Variants in ASF1A observed in about 807,000 individuals in gnomAD.
ASF1A encodes the protein anti-silencing function 1A histone chaperone, also known as histone chaperone ASF1A.
Under a neutral mutation model 22.0 loss-of-function variants are expected in ASF1A, and 5 were observed. That is an observed-to-expected ratio of 0.23 (90% CI 0.12 to 0.48). The LOEUF is 0.48. Among genes scored for constraint, ASF1A ranks in the 20% least tolerant of loss-of-function variants. The pLI, the probability that ASF1A is intolerant of heterozygous loss-of-function variation, is 0.99. For synonymous variants in ASF1A, 97 were observed against 86.7 expected, an observed-to-expected ratio of 1.12 and a Z score of -0.66; for missense variants, 137 against 240.6, an observed-to-expected ratio of 0.57 and a Z score of 2.85.
rs925727394 is a variant in ASF1A, at chr6:118,907,553, G to C, written c.554G>C (p.Gly185Ala). Residue 185 changes from glycine to alanine, a missense_variant, in exon 4 of 4, where the codon GGA becomes GCA. Physicochemically the swap from Gly to Ala is moderately conservative, Grantham distance 60 (BLOSUM62 0). Coordinates refer to ENST00000229595, the MANE Select transcript of ASF1A (RefSeq NM_014034.3). ...STDALPSASKGWSTSENSLNV... is the reference protein window; with the variant it reads ...STDALPSASKAWSTSENSLNV... ...GATGCATTACCTTCAGCATCAAAGG[G>C]ATGGTCCACATCAGAAAACTCACTA... 3 of 1,613,550 alleles carry C rather than the reference G, an allele frequency of 1.9e-6. No homozygotes were observed. Among genetic ancestry groups the C allele is most frequent in the Non-Finnish European group, 2.5e-6 (3 of 1,179,702 alleles).
At position 118,908,731 on chromosome 6, in the gene ASF1A, G is replaced by A. The variant is rs773740955; in HGVS notation, c.*1117G>A. ...GTAAAAGGTTTCTTTTTCTTTGAGA[G>A]TTAAGTCCTTCCTCAAAAAATTTTC... On this transcript the variant is annotated 3_prime_UTR_variant, in exon 4 of 4. Transcript: ENST00000229595. 2.0e-5 allele frequency: 3 copies of A among 152,468 alleles called. No homozygotes were observed. Among genetic ancestry groups the A allele is most frequent in the Non-Finnish European group, 4.4e-5 (3 of 67,984 alleles). 9.4% of individuals were successfully genotyped at this position (152,468 alleles called of 1,614,324 possible). A position where few individuals can be genotyped will look rare whatever the true frequency, so the allele number is the denominator to read the frequency against.
intron 2 of ASF1A, among the ~76,000 whole-genome samples, chr6:118,905,144 A>G (rs1780087827): frequency 1.3e-5 from 2 of 152,162 alleles, no homozygotes; most frequent in African/African-American, 4.8e-5. Flanking sequence ...CCTCATTTTC[A>G]GTTTTATACT....
In ASF1A at chr6:118,894,385, G is replaced by A. The variant is rs1302956686; in HGVS notation, c.-29G>A. 6.5e-7 allele frequency: 1 copy of A among 1,536,980 alleles called. No individual in the cohort carries two copies. Among genetic ancestry groups the A allele is most frequent in the Non-Finnish European group, 8.7e-7 (1 of 1,146,734 alleles). On this transcript the variant is annotated 5_prime_UTR_variant, in exon 1 of 4. Coordinates refer to ENST00000229595, the MANE Select transcript of ASF1A (RefSeq NM_014034.3). ...CTTTATTGTGCCGCAACCAGCCCCAGTTCCCATTGTTTGTGTTTTTTTCAA... is the reference window on the plus strand; with the variant it reads ...CTTTATTGTGCCGCAACCAGCCCCAATTCCCATTGTTTGTGTTTTTTTCAA...
chr6:118,902,728 A>G (rs538614173), intron 2 of ASF1A, among the ~76,000 whole-genome samples: 3 of 152,202 alleles, frequency 2.0e-5, no homozygotes, highest in Non-Finnish European at 4.4e-5. Flanking sequence ...GTCAGTGTAC[A>G]TGTTGCCAAA....
Position 118,905,729 on chromosome 6 carries a change from T to A in ASF1A, c.303T>A (p.Tyr101Ter). 1 of 1,613,548 alleles carries A rather than the reference T, an allele frequency of 6.2e-7. No individual in the cohort carries two copies. The highest frequency in any genetic ancestry group is 8.5e-7 in the Non-Finnish European group (1 of 1,179,512). Residue 101 changes from tyrosine to a stop codon, truncating the protein, a stop_gained, in exon 3 of 4, where the codon TAT becomes TAA. Transcript: ENST00000229595. LOFTEE classifies it high-confidence loss of function. Reference protein sequence around the residue: ...GVTVVLITCTYRGQEFIRVGY... With the variant: ...GVTVVLITCT ...CTGTTGTGCTAATTACTTGTACCTA[T>A]CGAGGACAAGAATTTATTAGAGTTG...
At chr6:118,902,466 C>G (rs1396465475) in intron 2 of ASF1A, among the ~76,000 whole-genome samples, 1 of 151,354 alleles carries the variant, frequency 6.6e-6, no homozygotes, top group African/African-American at 2.4e-5. Context: ...CTAAGGAACC[C>G]ATACTTTACT....
intron 2 of ASF1A, among the ~76,000 whole-genome samples, chr6:118,904,288 A>T (rs1780014213): frequency 6.6e-6 from 1 of 152,230 alleles, no homozygotes; most frequent in Non-Finnish European, 1.5e-5. Context: ...TTTTTAGCCT[A>T]GGACACTAGG....
intron 1 of ASF1A, 122 bp downstream of exon 1, chr6:118,894,644 G>A (rs1036591360): frequency 1.1e-5 from 9 of 842,654 alleles, no homozygotes; most frequent in African/African-American, 3.5e-5. Context: ...GCTGCTCTGC[G>A]GAGGGAAACT....
intron 1 of ASF1A, among the ~76,000 whole-genome samples, chr6:118,899,369 T>G (rs1779653586): frequency 6.6e-6 from 1 of 152,152 alleles, no homozygotes; most frequent in Non-Finnish European, 1.5e-5. Flanking sequence ...GGTTTGGTGC[T>G]TTCCTCCTTC....
intron 3 of ASF1A, 102 bp from the exon 4 acceptor site, chr6:118,907,300 C>A (rs1780248562): frequency 9.2e-6 from 7 of 761,420 alleles, no homozygotes; most frequent in Non-Finnish European, 1.3e-5. Context: ...GAACTTAGCC[C>A]TTTAGGAGTA....
chr6:118,900,723 T>C (rs1439218951), intron 1 of ASF1A, 43 bp from the exon 2 acceptor site: 1 of 1,347,216 alleles, frequency 7.4e-7, no homozygotes, highest in Non-Finnish European at 1.1e-6. Flanking sequence ...TCTGGTAATG[T>C]AATTACTGAA....
intron 2 of ASF1A, among the ~76,000 whole-genome samples, chr6:118,901,663 A>G (rs1276097637): frequency 2.6e-5 from 4 of 152,194 alleles, no homozygotes; most frequent in Admixed American, 1.3e-4. Flanking sequence ...TTATTCCTCA[A>G]TTATGCATGC....
At chr6:118,897,648 C>T (rs1779519363) in intron 1 of ASF1A, among the ~76,000 whole-genome samples, 1 of 152,002 alleles carries the variant, frequency 6.6e-6, no homozygotes, top group Non-Finnish European at 1.5e-5. Flanking sequence ...ACTCTTTCAC[C>T]ACAAATGTAA....
chr6:118,897,633 C>T (rs1421429738), intron 1 of ASF1A, among the ~76,000 whole-genome samples: 2 of 152,046 alleles, frequency 1.3e-5, no homozygotes, highest in Non-Finnish European at 2.9e-5. Context: ...TTCCCTCATT[C>T]ACTCACTCTT....
intron 2 of ASF1A, among the ~76,000 whole-genome samples, chr6:118,904,297 G>C (rs1318398588): frequency 6.6e-6 from 1 of 152,202 alleles, no homozygotes; most frequent in Non-Finnish European, 1.5e-5. Context: ...TAGGACACTA[G>C]GTAGCGATTT....
intron 2 of ASF1A, 109 bp downstream of exon 2, chr6:118,900,990 C>G (rs1779765719): frequency 5.4e-6 from 4 of 746,974 alleles, no homozygotes; most frequent in Non-Finnish European, 9.2e-6. Flanking sequence ...AGAACTGCTT[C>G]TGCTGCATTC....
At chr6:118,902,485 A>G (rs942939776) in intron 2 of ASF1A, among the ~76,000 whole-genome samples, 2 of 151,174 alleles carry the variant, frequency 1.3e-5, no homozygotes, top group South Asian at 2.1e-4. Flanking sequence ...CTGATAATTC[A>G]TGATACAGTA....
intron 3 of ASF1A, among the ~76,000 whole-genome samples, chr6:118,906,617 T>G (rs538797907): frequency 6.6e-6 from 1 of 152,336 alleles, no homozygotes; most frequent in East Asian, 1.9e-4. Flanking sequence ...CTGCTATTCT[T>G]AGAAGTTAAA....
At chr6:118,894,952 C>A (rs892585366) in intron 1 of ASF1A, among the ~76,000 whole-genome samples, 2 of 152,144 alleles carry the variant, frequency 1.3e-5, no homozygotes, top group African/African-American at 4.8e-5. Context: ...GGAGCGGAGC[C>A]ATCTTACCCC....
Sources: gnomAD v4.1 joint callset for allele counts (sites outside exome capture counted in the v4.1 genomes callset) on GRCh38, gnomAD v4.1.1 for gene constraint, MANE v1.5 for transcripts, NCBI Gene and HGNC (gene_info 2026-07-23, HGNC 2026-07-21) for gene names.